The following TBC1D5 variants were observed in gnomAD, a reference collection of about 807,000 sequenced individuals.
The protein encoded by TBC1D5 is TBC1 domain family member 5, also known as TBC1 domain family, member 5.
Under a neutral mutation model 100.3 loss-of-function variants are expected in TBC1D5, and 75 were observed. The ratio of observed to expected loss-of-function variants is 0.75; its 90% CI spans 0.62 to 0.91. TBC1D5 has a LOEUF of 0.91. TBC1D5 is among the 40% of genes least tolerant of loss of function. The pLI, the probability that TBC1D5 is intolerant of heterozygous loss-of-function variation, is 0.00. For synonymous variants in TBC1D5, 323 were observed against 325.6 expected (o/e 0.99, Z 0.09); for missense variants, 910 against 942.4 (o/e 0.97, Z 0.45).
intron 14 of TBC1D5, among the ~76,000 whole-genome samples, chr3:17,305,258 T>C (rs2083287750): frequency 6.6e-6 from 1 of 152,176 alleles, no homozygotes; most frequent in South Asian, 2.1e-4. Flanking sequence ...AGCTCTTCCT[T>C]GGCTTCTTCT....
chr3:17,187,768 C>T (rs1168642917), intron 18 of TBC1D5, among the ~76,000 whole-genome samples: 1 of 152,174 alleles, frequency 6.6e-6, no homozygotes, highest in Non-Finnish European at 1.5e-5. Context: ...AAAGAGAGGG[C>T]CAACCTATGG....
intron 1 of TBC1D5, among the ~76,000 whole-genome samples, chr3:17,712,586 T>A (rs1222394048): frequency 1.3e-5 from 2 of 152,196 alleles, no homozygotes; most frequent in Non-Finnish European, 2.9e-5. Context: ...CAGTTTAACA[T>A]ACAGTCCTAC....
intron 16 of TBC1D5, among the ~76,000 whole-genome samples, chr3:17,256,384 TTA>T (rs925605324): frequency 2.7e-5 from 4 of 147,964 alleles, no homozygotes; most frequent in Non-Finnish European, 6.0e-5. Flanking sequence ...CTCAATGTGT[TTA>T]TATATATATA....
chr3:17,317,606 T>C (rs945185840), intron 13 of TBC1D5, among the ~76,000 whole-genome samples: 2 of 152,240 alleles, frequency 1.3e-5, no homozygotes, highest in African/African-American at 4.8e-5. Context: ...ATTATATCTA[T>C]GTGTATATAA....
At chr3:17,625,010 A>G (rs779297311) in intron 1 of TBC1D5, among the ~76,000 whole-genome samples, 9 of 152,232 alleles carry the variant, frequency 5.9e-5, no homozygotes, top group South Asian at 2.1e-4. Context: ...AAACCACCGG[A>G]AGCAAGTAAA....
At chr3:17,645,469 C>G (rs573807191) in intron 1 of TBC1D5, among the ~76,000 whole-genome samples, 1 of 152,208 alleles carries the variant, frequency 6.6e-6, no homozygotes, top group South Asian at 2.1e-4. Context: ...GTTCATGCAG[C>G]GACCACTTCG....
chr3:17,423,526 C>CT (rs2094266812), intron 4 of TBC1D5, among the ~76,000 whole-genome samples: 1 of 152,098 alleles, frequency 6.6e-6, no homozygotes, highest in Admixed American at 6.5e-5. Flanking sequence ...TTGGCTATGA[C>CT]TTCTAACTGA....
At chr3:17,550,548 CAA>C (rs796439520) in intron 2 of TBC1D5, among the ~76,000 whole-genome samples, 2 of 139,418 alleles carry the variant, frequency 1.4e-5, no homozygotes, top group African/African-American at 2.6e-5. Context: ...ACAACAACAA[CAA>C]AAAAAAAAAA....
intron 15 of TBC1D5, among the ~76,000 whole-genome samples, chr3:17,281,840 C>T (rs1377978288): frequency 6.6e-6 from 1 of 151,812 alleles, no homozygotes; most frequent in African/African-American, 2.4e-5. Context: ...ACTTAAGAGG[C>T]AAATAAAATA....
chr3:17,698,785 A>G (rs540797561), intron 1 of TBC1D5, among the ~76,000 whole-genome samples: 2 of 148,296 alleles, frequency 1.3e-5, no homozygotes, highest in South Asian at 2.3e-4. Context: ...CAAAAGACAC[A>G]TGAAAAAATG....
intron 13 of TBC1D5, among the ~76,000 whole-genome samples, chr3:17,316,445 T>A (rs2150795628): frequency 6.6e-6 from 1 of 152,252 alleles, no homozygotes; most frequent in East Asian, 1.9e-4. Flanking sequence ...CCCATCCCCA[T>A]ATCATATCTA....
In TBC1D5 at chr3:17,228,130, A is replaced by G. The variant is rs533196767; in HGVS notation, c.1588+10033T>C. Among the ~76,000 whole-genome samples, 329 of 152,278 alleles carry G rather than the reference A, an allele frequency of 2.2e-3. 1 individual carries two copies. The highest frequency in any genetic ancestry group is 1.5e-3 in the Non-Finnish European group (99 of 68,014). On this transcript the variant is annotated intron_variant, in intron 17 of 21. Transcript: ENST00000253692. ...AGTGGACCATCTGTTGCGTTGGTCC[A>G]GGCAAGAGATTATGGCCTTCAACTG... is the stretch of plus-strand genomic sequence containing the variant.
At chr3:17,313,616 C>T (rs553833881) in intron 13 of TBC1D5, among the ~76,000 whole-genome samples, 3 of 152,274 alleles carry the variant, frequency 2.0e-5, no homozygotes, top group African/African-American at 7.2e-5. Flanking sequence ...CCAATGGGAT[C>T]TTAACTACAG....
intron 15 of TBC1D5, among the ~76,000 whole-genome samples, chr3:17,273,349 G>A (rs2079621829): frequency 6.6e-6 from 1 of 151,770 alleles, no homozygotes; most frequent in Non-Finnish European, 1.5e-5. Context: ...ATCATTCCTG[G>A]ACCACTTACA....
At chr3:17,433,210 T>C (rs911596466) in intron 3 of TBC1D5, among the ~76,000 whole-genome samples, 4 of 152,164 alleles carry the variant, frequency 2.6e-5, no homozygotes, top group African/African-American at 9.7e-5. Flanking sequence ...CTTTCTCTGT[T>C]CCGGCTACTT....
At chr3:17,317,078 C>T (rs185738450) in intron 13 of TBC1D5, among the ~76,000 whole-genome samples, 44 of 152,286 alleles carry the variant, frequency 2.9e-4, no homozygotes, top group African/African-American at 1.0e-3. Context: ...TCTGTGCCCC[C>T]TCCACGCTAA....
chr3:17,369,986 T>C (rs1299014774), intron 13 of TBC1D5, among the ~76,000 whole-genome samples: 1 of 152,140 alleles, frequency 6.6e-6, no homozygotes, highest in Non-Finnish European at 1.5e-5. Context: ...GTATTTTCAG[T>C]ATTGCTGATA....
At chr3:17,550,282 G>C (rs2096461107) in intron 2 of TBC1D5, among the ~76,000 whole-genome samples, 1 of 152,090 alleles carries the variant, frequency 6.6e-6, no homozygotes, top group Admixed American at 6.6e-5. Context: ...AAATGGGTAA[G>C]GTCAGGGTTA....
chr3:17,636,795 C>T (rs984388266), intron 1 of TBC1D5, among the ~76,000 whole-genome samples: 4 of 150,156 alleles, frequency 2.7e-5, no homozygotes, highest in East Asian at 2.0e-4. Flanking sequence ...AGCGAGACTC[C>T]GTCTCAAAAA....
Sources: gnomAD v4.1 joint callset for allele counts (sites outside exome capture counted in the v4.1 genomes callset) on GRCh38, gnomAD v4.1.1 for gene constraint, MANE v1.5 for transcripts, NCBI Gene and HGNC (gene_info 2026-07-23, HGNC 2026-07-21) for gene names.